Variants in KDM6A observed in about 807,000 individuals in gnomAD.
KDM6A encodes lysine-specific demethylase 6A.
KDM6A carries 11 observed loss-of-function variants against 117.6 expected under a neutral mutation model. The ratio of observed to expected loss-of-function variants is 0.09; its 90% CI spans 0.06 to 0.15. The LOEUF (loss-of-function observed/expected upper bound fraction) is 0.15. Among genes scored for constraint, KDM6A ranks in the 10% least tolerant of loss-of-function variants. The pLI, the probability that KDM6A is intolerant of heterozygous loss-of-function variation, is 1.00. For synonymous variants in KDM6A, 384 were observed against 396.1 expected, an observed-to-expected ratio of 0.97 and a Z score of 0.36; for missense variants, 799 against 1,077.3, an observed-to-expected ratio of 0.74 and a Z score of 3.62.
chrX:45,109,618 G>T (rs2046694053), intron 28 of KDM6A, among the ~76,000 whole-genome samples: 1 of 110,657 alleles, frequency 9.0e-6, no homozygotes, highest in African/African-American at 3.3e-5. Flanking sequence ...TAGGAGATCA[G>T]ATAGATTCCA....
chrX:45,108,344 C>T (rs1384085147), intron 28 of KDM6A, among the ~76,000 whole-genome samples: 1 of 111,644 alleles, frequency 9.0e-6, no homozygotes, highest in Non-Finnish European at 1.9e-5. Flanking sequence ...GTCTAGGTGG[C>T]ATTTAATTTA....
rs761847691 is a variant in KDM6A, at chrX:45,095,414, A to G, written c.4034+4550A>G. On this transcript the variant is annotated intron_variant, in intron 27 of 29. Coordinates refer to ENST00000611820, the MANE Select transcript of KDM6A (RefSeq NM_001291415.2). ...CTGTCTTGAGAGGAAAAGGGAAGAA[A>G]AAGTTGGGGATAGCACTTTGTGGGG... Among the ~76,000 whole-genome samples, 26 of 111,062 alleles carry G rather than the reference A, an allele frequency of 2.3e-4. 1 individual carries two copies. In the South Asian group the frequency reaches 7.7e-3, roughly 33 times the overall value.
Position 45,090,953 on chromosome X carries a change from A to T in KDM6A, c.4034+89A>T, listed in dbSNP as rs755903972. 6.5e-6 allele frequency: 6 copies of T among 930,158 alleles called. No homozygotes were observed. In the African/African-American group the frequency reaches 1.2e-4, roughly 18 times the overall value. 76.7% of individuals were successfully genotyped at this position (930,158 alleles called of 1,213,427 possible). A position where few individuals can be genotyped will look rare whatever the true frequency, so the allele number is the denominator to read the frequency against. On this transcript the variant is annotated intron_variant, in intron 27 of 29. Transcript: ENST00000611820. Reference sequence around the variant, plus strand: ...TTTTCTCCCTTAGAATTACGTTGACATCAAAGCAAAATGGTGCAAAAGTCT... The same window carrying T: ...TTTTCTCCCTTAGAATTACGTTGACTTCAAAGCAAAATGGTGCAAAAGTCT...
At chrX:45,064,323 T>C (rs917459493) in intron 17 of KDM6A, among the ~76,000 whole-genome samples, 1 of 111,066 alleles carries the variant, frequency 9.0e-6, no homozygotes, top group African/African-American at 3.3e-5. Flanking sequence ...AGCTAGAGTT[T>C]AGGGGAGGAG....
In KDM6A at chrX:44,986,395, G is replaced by T. The variant is rs1490004538; in HGVS notation, c.384+11680G>T. Among the ~76,000 whole-genome samples the T allele has an allele frequency of 1.8e-4, 20 of 110,566 alleles. No homozygotes were observed. In the South Asian group the frequency reaches 3.1e-3, roughly 17 times the overall value. ...TCATTGATTTTTTTGAAGGGTTTTTGGTGTCTCTATTTCCTTCAGTTCTGC... is the reference window on the plus strand; with the variant it reads ...TCATTGATTTTTTTGAAGGGTTTTTTGTGTCTCTATTTCCTTCAGTTCTGC... On this transcript the variant is annotated intron_variant, in intron 4 of 29. Coordinates refer to ENST00000611820, the MANE Select transcript of KDM6A (RefSeq NM_001291415.2).
intron 17 of KDM6A, 138 bp from the exon 18 acceptor site, chrX:45,069,441 G>C (rs1162459949): frequency 5.2e-6 from 3 of 582,484 alleles, no homozygotes; most frequent in Non-Finnish European, 7.9e-6. Flanking sequence ...GGTACTTTTT[G>C]ATAACTTTAG....
At chrX:45,077,982 T>C (rs1318432253) in intron 19 of KDM6A, among the ~76,000 whole-genome samples, 1 of 111,990 alleles carries the variant, frequency 8.9e-6, no homozygotes, top group African/African-American at 3.2e-5. Context: ...TTCTATAAAT[T>C]TGACTATTCT....
chrX:45,100,008 T>C (rs1288192862), intron 27 of KDM6A, among the ~76,000 whole-genome samples: 3 of 107,164 alleles, frequency 2.8e-5, no homozygotes, highest in Non-Finnish European at 3.8e-5. Context: ...CACTCTAGTC[T>C]GGGCGACGGA....
intron 8 of KDM6A, among the ~76,000 whole-genome samples, chrX:45,042,278 G>GT (rs1569528729): frequency 3.0e-5 from 1 of 33,812 alleles, no homozygotes. Flanking sequence ...GAGGGGAGAG[G>GT]GGAGAGGGGA....
At chrX:44,960,437 G>A (rs1341347394) in intron 2 of KDM6A, among the ~76,000 whole-genome samples, 1 of 111,460 alleles carries the variant, frequency 9.0e-6, no homozygotes, top group African/African-American at 3.3e-5. Context: ...ATTGTGTCCT[G>A]AACACTGAGA....
At chrX:45,029,921 A>G (rs1372100563) in intron 6 of KDM6A, among the ~76,000 whole-genome samples, 2 of 111,600 alleles carry the variant, frequency 1.8e-5, no homozygotes, top group Admixed American at 1.9e-4. Flanking sequence ...GGATACAGCT[A>G]CAGGAAGAAA....
At chrX:44,940,870 T>C (rs765847420) in intron 2 of KDM6A, among the ~76,000 whole-genome samples, 1 of 111,000 alleles carries the variant, frequency 9.0e-6, no homozygotes, top group South Asian at 3.9e-4. Flanking sequence ...ACCCCGTCTC[T>C]ACTAAAAATG....
intron 2 of KDM6A, among the ~76,000 whole-genome samples, chrX:44,887,440 G>A (rs745338784): frequency 1.8e-5 from 2 of 111,310 alleles, no homozygotes; most frequent in South Asian, 7.6e-4. Context: ...TTGGGTAGAG[G>A]TGTAAATGAT....
At chrX:45,103,274 C>G (rs1379257319) in intron 27 of KDM6A, among the ~76,000 whole-genome samples, 1 of 111,028 alleles carries the variant, frequency 9.0e-6, no homozygotes, top group Non-Finnish European at 1.9e-5. Flanking sequence ...CTTGTAAGAA[C>G]AGTTGTTTGT....
chrX:45,015,789 G>A (rs1444672801), intron 5 of KDM6A, among the ~76,000 whole-genome samples: 2 of 111,915 alleles, frequency 1.8e-5, no homozygotes, highest in African/African-American at 6.5e-5. Context: ...TTCTGATAAA[G>A]TTACACTTAA....
intron 2 of KDM6A, among the ~76,000 whole-genome samples, chrX:44,931,409 T>C (rs2036620025): frequency 8.9e-6 from 1 of 112,092 alleles, no homozygotes. Context: ...TTAATGTACC[T>C]ATGTTCATTG....
chrX:44,894,658 C>T (rs909409605), intron 2 of KDM6A, among the ~76,000 whole-genome samples: 1 of 108,529 alleles, frequency 9.2e-6, no homozygotes, highest in African/African-American at 3.3e-5. Flanking sequence ...TTTTGTCCCC[C>T]AGGCTGGAGT....
intron 10 of KDM6A, among the ~76,000 whole-genome samples, chrX:45,055,395 A>G (rs1347207900): frequency 9.0e-6 from 1 of 111,190 alleles, no homozygotes; most frequent in Non-Finnish European, 1.9e-5. Context: ...TTTTAAAAAC[A>G]TTTGATTAAC....
intron 2 of KDM6A, among the ~76,000 whole-genome samples, chrX:44,952,382 C>T (rs1368227151): frequency 2.8e-5 from 3 of 108,220 alleles, no homozygotes; most frequent in Non-Finnish European, 5.7e-5. Context: ...AGCGATTCTC[C>T]TGCCTCAGCC....
Sources: gnomAD v4.1 joint callset for allele counts (sites outside exome capture counted in the v4.1 genomes callset) on GRCh38, gnomAD v4.1.1 for gene constraint, MANE v1.5 for transcripts, NCBI Gene and HGNC (gene_info 2026-07-23, HGNC 2026-07-21) for gene names.